Variants in DAB1 observed in about 807,000 individuals in gnomAD.
DAB1 encodes the protein DAB adaptor protein 1.
In DAB1, 15 loss-of-function variants were observed where a neutral mutation model predicts 64.6. That is an observed-to-expected ratio of 0.23 (90% CI 0.16 to 0.36). The LOEUF (loss-of-function observed/expected upper bound fraction) is 0.36. DAB1 is among the 10% of genes least tolerant of loss of function. The pLI is 1.00. For missense variants in DAB1, 596 were observed against 706.7 expected (o/e 0.84, Z 1.78); for synonymous variants, 235 against 251.9 (o/e 0.93, Z 0.64).
intron 3 of DAB1, among the ~76,000 whole-genome samples, chr1:58,404,962 G>C (rs967523068): frequency 3.9e-5 from 6 of 152,070 alleles, no homozygotes; most frequent in African/African-American, 1.4e-4. Context: ...TCCCGGCTGT[G>C]CCCTATTAGG....
At chr1:58,396,878 C>A (rs970458479) in intron 3 of DAB1, among the ~76,000 whole-genome samples, 1 of 151,990 alleles carries the variant, frequency 6.6e-6, no homozygotes, top group Non-Finnish European at 1.5e-5. Flanking sequence ...CTGGCTAACA[C>A]GGTGAAACCC....
intron 7 of DAB1, among the ~76,000 whole-genome samples, chr1:57,640,163 T>C (rs78857036): frequency 2.6e-5 from 4 of 152,112 alleles, no homozygotes; most frequent in Admixed American, 1.3e-4. Flanking sequence ...TTAATGTGAG[T>C]TCCTCATCAC....
At chr1:57,064,782 C>T (rs752813870) in intron 8 of DAB1, among the ~76,000 whole-genome samples, 9 of 152,166 alleles carry the variant, frequency 5.9e-5, no homozygotes, top group South Asian at 2.1e-4. Flanking sequence ...TGAGCATGGC[C>T]GTGTCAGTGG....
At chr1:57,485,940 T>A (rs1473174350) in intron 7 of DAB1, among the ~76,000 whole-genome samples, 1 of 152,192 alleles carries the variant, frequency 6.6e-6, no homozygotes, top group Non-Finnish European at 1.5e-5. Context: ...GCTTGCTGCA[T>A]TTCTTTTTTT....
At chr1:57,224,766 C>T (rs150195801) in intron 2 of DAB1, among the ~76,000 whole-genome samples, 2,093 of 152,268 alleles carry the variant, frequency 0.014, 37 homozygotes, top group Admixed American at 0.058. Flanking sequence ...GTCTTTGTTA[C>T]GCTAATGAAG....
intron 3 of DAB1, among the ~76,000 whole-genome samples, chr1:58,504,324 A>T (rs1350867560): frequency 1.3e-5 from 2 of 152,118 alleles, no homozygotes; most frequent in Non-Finnish European, 2.9e-5. Flanking sequence ...CATCAAACAT[A>T]CGCTGACTTT....
intron 2 of DAB1, among the ~76,000 whole-genome samples, chr1:57,263,165 G>T (rs906828397): frequency 2.0e-5 from 3 of 151,770 alleles, no homozygotes; most frequent in Admixed American, 2.0e-4. Context: ...GCCCAGGCTG[G>T]AGTGCAATGG....
chr1:58,343,125 T>C (rs1244458137), intron 4 of DAB1, among the ~76,000 whole-genome samples: 1 of 152,122 alleles, frequency 6.6e-6, no homozygotes, highest in Non-Finnish European at 1.5e-5. Flanking sequence ...TTTCCACAGG[T>C]CTGCAGGTCT....
At chr1:58,172,950 A>G (rs1331807599) in intron 4 of DAB1, among the ~76,000 whole-genome samples, 1 of 152,254 alleles carries the variant, frequency 6.6e-6, no homozygotes, top group East Asian at 1.9e-4. Flanking sequence ...ATTAAATACC[A>G]CAAGGAAATT....
intron 7 of DAB1, among the ~76,000 whole-genome samples, chr1:57,536,513 C>T (rs1446881670): frequency 6.6e-6 from 1 of 152,022 alleles, no homozygotes; most frequent in East Asian, 1.9e-4. Flanking sequence ...TGCTCTGGTT[C>T]CCAACAAAAA....
In DAB1 at chr1:56,994,926, C is replaced by G. The variant is rs1490808464; in HGVS notation, c.*3218G>C. On this transcript the variant is annotated 3_prime_UTR_variant, in exon 15 of 15. Transcript: ENST00000371236. ...TCCATATATGTTAACAAACTGTCAT[C>G]TGAGGTAAAGTTAAAGTAGGTCTAG... The G allele has an allele frequency of 6.6e-6, 1 of 152,120 alleles. No individual in the cohort carries two copies. The highest frequency in any genetic ancestry group is 2.4e-5 in the African/African-American group (1 of 41,412). The allele number at this position is 152,120 out of a possible 1,614,324, so 9.4% of individuals were successfully genotyped here. A position where few individuals can be genotyped will look rare whatever the true frequency, so the allele number is the denominator to read the frequency against.
chr1:58,461,572 G>A (rs1478595340), intron 3 of DAB1, among the ~76,000 whole-genome samples: 1 of 152,102 alleles, frequency 6.6e-6, no homozygotes, highest in Admixed American at 6.5e-5. Context: ...CATTAACCAA[G>A]GACAAAACCA....
intron 4 of DAB1, among the ~76,000 whole-genome samples, chr1:58,163,403 T>C (rs1184472018): frequency 6.6e-6 from 1 of 152,106 alleles, no homozygotes; most frequent in Non-Finnish European, 1.5e-5. Flanking sequence ...GTTCCAGGAA[T>C]AGCCAAGTGA....
At chr1:57,220,669 C>A (rs928322574) in intron 2 of DAB1, among the ~76,000 whole-genome samples, 2 of 152,182 alleles carry the variant, frequency 1.3e-5, no homozygotes, top group East Asian at 1.9e-4. Flanking sequence ...CATCACTGAT[C>A]GTCAGAGAAA....
At chr1:57,593,263 G>T (rs1391943460) in intron 7 of DAB1, among the ~76,000 whole-genome samples, 2 of 152,170 alleles carry the variant, frequency 1.3e-5, no homozygotes, top group African/African-American at 4.8e-5. Flanking sequence ...TGCACTGTTT[G>T]CCCTTTTGTG....
At chr1:58,036,451 G>A (rs528575356) in intron 5 of DAB1, among the ~76,000 whole-genome samples, 142 of 152,298 alleles carry the variant, frequency 9.3e-4, no homozygotes, top group African/African-American at 3.3e-3. Flanking sequence ...CTTTCTGTGA[G>A]CTTATTGGAG....
chr1:57,573,686 G>A (rs985734395), intron 7 of DAB1, among the ~76,000 whole-genome samples: 1 of 152,134 alleles, frequency 6.6e-6, no homozygotes, highest in African/African-American at 2.4e-5. Context: ...CATTCCCTGG[G>A]CTACTGAGCC....
At chr1:58,463,932 AG>A (rs1645269561) in intron 3 of DAB1, among the ~76,000 whole-genome samples, 1 of 152,238 alleles carries the variant, frequency 6.6e-6, no homozygotes, top group South Asian at 2.1e-4. Context: ...CCCCAAAGCT[AG>A]GAAGAGATAG....
chr1:57,948,158 C>A (rs1645211771), intron 5 of DAB1, among the ~76,000 whole-genome samples: 1 of 152,190 alleles, frequency 6.6e-6, no homozygotes, highest in Non-Finnish European at 1.5e-5. Context: ...ATAACTACTT[C>A]TTCAGTAGTA....
Sources: gnomAD v4.1 joint callset for allele counts (sites outside exome capture counted in the v4.1 genomes callset) on GRCh38, gnomAD v4.1.1 for gene constraint, MANE v1.5 for transcripts, NCBI Gene and HGNC (gene_info 2026-07-23, HGNC 2026-07-21) for gene names.